Variants in OSGIN2 observed in about 807,000 individuals in gnomAD.
OSGIN2 encodes the protein oxidative stress-induced growth inhibitor 2.
OSGIN2 carries 19 observed loss-of-function variants against 53.8 expected under a neutral mutation model. The ratio of observed to expected loss-of-function variants is 0.35; its 90% CI spans 0.25 to 0.52. The LOEUF (loss-of-function observed/expected upper bound fraction) is 0.52, where lower values mean the gene tolerates loss of function less well. OSGIN2 is among the 20% of genes least tolerant of loss of function. The pLI, the probability that OSGIN2 is intolerant of heterozygous loss-of-function variation, is 0.95. For synonymous variants in OSGIN2, 236 were observed against 236.0 expected (o/e 1.00, Z 0.00); for missense variants, 520 against 662.7 (o/e 0.78, Z 2.36).
Position 89,924,991 on chromosome 8 carries a change from C to T in OSGIN2, c.1109C>T (p.Pro370Leu), listed in dbSNP as rs1461891670. The T allele has an allele frequency of 6.2e-7, 1 of 1,614,026 alleles. No individual in the cohort carries two copies. The highest frequency in any genetic ancestry group is 8.5e-7 in the Non-Finnish European group (1 of 1,179,898). The change falls in exon 6 of 6, where the codon CCT becomes CTT. Residue 370 changes from proline to leucine, a missense_variant. Physicochemically the swap from Pro to Leu is moderately conservative, Grantham distance 98. This residue lies in a region of OSGIN2 where 239 missense variants were observed against 328.3 expected (regional missense o/e 0.73). Transcript: ENST00000451899. ...CTGTGTGCTTACAACAGTAATATCC[C>T]TGTGATTCATGTGTTTCGCAGACGA... is the stretch of plus-strand genomic sequence containing the variant. ...AVLCAYNSNIPVIHVFRRRVT... is the reference protein window; with the variant it reads ...AVLCAYNSNILVIHVFRRRVT...
chr8:89,913,958 G>A (rs1218145795), intron 2 of OSGIN2, 119 bp from the exon 3 acceptor site: 1 of 823,658 alleles, frequency 1.2e-6, no homozygotes, highest in East Asian at 2.6e-5. Flanking sequence ...CTGGTTTTAA[G>A]AGATTAGAAA....
In OSGIN2 at chr8:89,918,037, T is replaced by C. The variant is rs117187125; in HGVS notation, c.529-3043T>C. On this transcript the variant is annotated intron_variant, in intron 4 of 5. Coordinates refer to ENST00000451899, the MANE Select transcript of OSGIN2 (RefSeq NM_001126111.3). ...ACTTCCTGAAAGAGTTACCTATACA[T>C]ACTTCTCCCTGCCTTTGCTTTCTGC... is the stretch of plus-strand genomic sequence containing the variant. Among the ~76,000 whole-genome samples the C allele has an allele frequency of 7.9e-4, 120 of 152,360 alleles. 1 individual carries two copies. In the East Asian group the frequency reaches 0.02, roughly 25 times the overall value.
chr8:89,925,054 A>G lies in OSGIN2; in HGVS notation c.1172A>G (p.Lys391Arg), dbSNP rs1483313751. 1.2e-6 allele frequency: 2 copies of G among 1,613,512 alleles called. No individual in the cohort carries two copies. The highest frequency in any genetic ancestry group is 2.2e-5 in the South Asian group (2 of 91,080). Reference protein sequence around the residue: ...DPSLIFKQLPKKLYPEYHKVY... With the variant: ...DPSLIFKQLPRKLYPEYHKVY... ...AGCTTAATTTTCAAACAGCTTCCCA[A>G]AAAGCTGTATCCTGAATATCATAAA... Residue 391 changes from lysine (K) to arginine (R), a missense_variant, in exon 6 of 6, where the codon AAA (lysine) becomes AGA (arginine). Lys to Arg is a conservative substitution (Grantham distance 26). Transcript: ENST00000451899.
intron 1 of OSGIN2, among the ~76,000 whole-genome samples, chr8:89,904,566 ATGTTTC>A (rs1048956769): frequency 2.6e-5 from 4 of 152,080 alleles, no homozygotes; most frequent in African/African-American, 4.8e-5. Flanking sequence ...CTTCAGGAAT[ATGTTTC>A]TGATTTACCA....
At chr8:89,917,152 C>T (rs1809096437) in intron 4 of OSGIN2, among the ~76,000 whole-genome samples, 1 of 152,190 alleles carries the variant, frequency 6.6e-6, no homozygotes, top group South Asian at 2.1e-4. Flanking sequence ...AAGATCTTAA[C>T]CTTTTTGTTC....
upstream of OSGIN2, chr8:89,902,224 T>G (rs1808732118): frequency 6.6e-6 from 1 of 152,200 alleles, no homozygotes; most frequent in African/African-American, 2.4e-5. Flanking sequence ...GCCATCTGGG[T>G]GGCCCGAGTT....
chr8:89,914,284 ACTTT>A, intron 3 of OSGIN2, 71 bp downstream of exon 3: 2 of 1,153,882 alleles, frequency 1.7e-6, no homozygotes, highest in South Asian at 3.0e-5. Context: ...ATTTATATGA[ACTTT>A]CTTAGTTGAA....
intron 1 of OSGIN2, among the ~76,000 whole-genome samples, chr8:89,906,440 C>T (rs1808840367): frequency 6.6e-6 from 1 of 151,538 alleles, no homozygotes; most frequent in Admixed American, 6.6e-5. Context: ...CACCCTTCAT[C>T]CTCGGGTGGG....
intron 5 of OSGIN2, 125 bp downstream of exon 5, chr8:89,921,296 G>A (rs993179752): frequency 3.3e-6 from 2 of 605,242 alleles, no homozygotes; most frequent in Non-Finnish European, 2.9e-6. Flanking sequence ...AAATAAAAAT[G>A]TGTCCTTGAA....
intron 1 of OSGIN2, among the ~76,000 whole-genome samples, chr8:89,904,713 G>C (rs1808799125): frequency 6.6e-6 from 1 of 152,134 alleles, no homozygotes; most frequent in Non-Finnish European, 1.5e-5. Flanking sequence ...CTACTCGGGA[G>C]GTTGAGGCAG....
At chr8:89,908,273 A>G (rs769820184) in intron 1 of OSGIN2, among the ~76,000 whole-genome samples, 19 of 152,132 alleles carry the variant, frequency 1.2e-4, no homozygotes, top group Admixed American at 9.2e-4. Context: ...CTTAGTAGCC[A>G]TGTCTGATTG....
At chr8:89,918,941 G>T (rs1431928845) in intron 4 of OSGIN2, among the ~76,000 whole-genome samples, 1 of 152,116 alleles carries the variant, frequency 6.6e-6, no homozygotes, top group African/African-American at 2.4e-5. Flanking sequence ...CTTTCTAAAT[G>T]GTTTTCTTAC....
rs1324237235 is a variant in OSGIN2 at position 89,902,714 on chromosome 8, C to G, written c.-80C>G. ...GACCCCGCGACCCCGAGCCAGCGGG[C>G]GCCCCGAGCGGGCAGCCTCGCCGGG... On this transcript the variant is annotated 5_prime_UTR_variant, in exon 1 of 6. Coordinates refer to ENST00000451899, the MANE Select transcript of OSGIN2 (RefSeq NM_001126111.3). The G allele has an allele frequency of 1.4e-6, 1 of 690,772 alleles. No homozygotes were observed. Among genetic ancestry groups the G allele is most frequent in the Non-Finnish European group, 1.8e-6 (1 of 544,364 alleles). 42.8% of individuals were successfully genotyped at this position (690,772 alleles called of 1,614,324 possible). A position where few individuals can be genotyped will look rare whatever the true frequency, so the allele number is the denominator to read the frequency against.
intron 2 of OSGIN2, among the ~76,000 whole-genome samples, chr8:89,912,799 G>A (rs1310271608): frequency 1.1e-4 from 16 of 152,114 alleles, no homozygotes; most frequent in African/African-American, 3.6e-4. Context: ...TGATGGCTTG[G>A]AGGTTAGGGT....
At chr8:89,901,954 G>A (rs1808725406), upstream of OSGIN2, 1 of 152,434 alleles carries the variant, frequency 6.6e-6, no homozygotes, top group Admixed American at 6.5e-5. Context: ...ATGAAGAGGG[G>A]AGGATGACCT....
intron 5 of OSGIN2, among the ~76,000 whole-genome samples, chr8:89,923,918 C>T (rs1484052616): frequency 6.6e-6 from 1 of 152,116 alleles, no homozygotes; most frequent in African/African-American, 2.4e-5. Context: ...TTTAGCTCTG[C>T]TTGTGAGTAG....
chr8:89,916,475 C>T (rs546855428), intron 4 of OSGIN2, among the ~76,000 whole-genome samples: 2 of 152,286 alleles, frequency 1.3e-5, no homozygotes, highest in Admixed American at 6.5e-5. Flanking sequence ...TTGATCCTAC[C>T]TGCATTCCAT....
intron 1 of OSGIN2, among the ~76,000 whole-genome samples, chr8:89,906,763 T>C (rs1808847545): frequency 1.3e-5 from 2 of 152,348 alleles, no homozygotes; most frequent in Non-Finnish European, 2.9e-5. Context: ...GTCTGTATAA[T>C]AGAATTATTT....
chr8:89,920,607 T>C (rs1175480777), intron 4 of OSGIN2, among the ~76,000 whole-genome samples: 4 of 152,164 alleles, frequency 2.6e-5, no homozygotes, highest in African/African-American at 9.7e-5. Flanking sequence ...AGAATTATAA[T>C]TGATGGAGGA....
Sources: allele counts gnomAD v4.1 joint callset (sites outside exome capture counted in the v4.1 genomes callset), GRCh38; gene constraint gnomAD v4.1.1; regional missense constraint gnomAD v4.1.1; transcripts MANE v1.5; gene names NCBI Gene and HGNC (gene_info 2026-07-23, HGNC 2026-07-21).